RRP36: variants seen among roughly 807,000 people sequenced by gnomAD.
The protein encoded by RRP36 is ribosomal RNA processing 36.
In RRP36, 44 loss-of-function variants were observed where a neutral mutation model predicts 39.8. The ratio of observed to expected loss-of-function variants is 1.10; its 90% CI spans 0.87 to 1.42. RRP36 has a LOEUF of 1.42. Ranked by LOEUF, RRP36 falls within the 40% of genes most tolerant of loss-of-function variation. RRP36 has a pLI of 0.00. For missense variants in RRP36, 316 were observed against 322.4 expected (o/e 0.98, Z 0.15); for synonymous variants, 124 against 123.1 (o/e 1.01, Z -0.05).
chr6:43,026,770 C>G (rs375162932), intron 4 of RRP36, among the ~76,000 whole-genome samples: 3 of 151,582 alleles, frequency 2.0e-5, no homozygotes, highest in East Asian at 1.9e-4. Context: ...TTTGGGAGGC[C>G]GAGGCAGGTG....
At chr6:43,023,858 AT>A (rs566772892) in intron 1 of RRP36, among the ~76,000 whole-genome samples, 187 of 141,388 alleles carry the variant, frequency 1.3e-3, no homozygotes, top group Non-Finnish European at 1.2e-3. Flanking sequence ...GAGAGGTTGC[AT>A]TTTTTTTTTT....
chr6:43,024,269 G>C (rs570080980), intron 1 of RRP36, among the ~76,000 whole-genome samples: 2 of 152,204 alleles, frequency 1.3e-5, no homozygotes, highest in African/African-American at 4.8e-5. Context: ...TGGGGGAAGT[G>C]TACCAAGCAG....
At chr6:43,023,352 T>C (rs1360204444) in intron 1 of RRP36, among the ~76,000 whole-genome samples, 1 of 151,324 alleles carries the variant, frequency 6.6e-6, no homozygotes, top group Admixed American at 6.6e-5. Flanking sequence ...TGAGCAGTGA[T>C]TAGGCCACTG....
At position 43,021,642 on chromosome 6, in the gene RRP36, C is replaced by G. The variant is rs776659824; in HGVS notation, c.-13C>G. The stretch of plus-strand genomic sequence containing the variant: ...AGCGGCGCCATTCGTCTTCCGAGCG[C>G]TACTGCCAGCTGATGCCGGGAGCTA... On this transcript the variant is annotated 5_prime_UTR_variant, in exon 1 of 7. Coordinates refer to ENST00000244496, the MANE Select transcript of RRP36 (RefSeq NM_033112.4). 4.7e-6 allele frequency: 6 copies of G among 1,284,674 alleles called. No homozygotes were observed. The highest frequency in any genetic ancestry group is 3.1e-4 in the Middle Eastern group (1 of 3,250). 79.6% of individuals were successfully genotyped at this position (1,284,674 alleles called of 1,614,324 possible). A position where few individuals can be genotyped will look rare whatever the true frequency, so the allele number is the denominator to read the frequency against.
chr6:43,029,414 C>A lies in RRP36; in HGVS notation c.*186C>A. The A allele has an allele frequency of 1.8e-6, 1 of 563,108 alleles. No individual in the cohort carries two copies. The highest frequency in any genetic ancestry group is 3.0e-6 in the Non-Finnish European group (1 of 334,064). The allele number at this position is 563,108 out of a possible 1,614,324, so 34.9% of individuals were successfully genotyped here. On this transcript the variant is annotated 3_prime_UTR_variant, in exon 7 of 7. Coordinates refer to ENST00000244496, the MANE Select transcript of RRP36 (RefSeq NM_033112.4). ...TACACAAGAATAGTTCAGCCTTCTGCCATGCCACACAGCCTCAGCTTGAAT... is the reference window on the plus strand; with the variant it reads ...TACACAAGAATAGTTCAGCCTTCTGACATGCCACACAGCCTCAGCTTGAAT...
intron 6 of RRP36, 44 bp downstream of exon 6, chr6:43,027,521 G>A (rs745766591): frequency 3.3e-6 from 5 of 1,504,214 alleles, no homozygotes; most frequent in Non-Finnish European, 4.6e-6. Context: ...GGGGTGCAGG[G>A]GCCATGGTGG....
chr6:43,027,712 ACC>A (rs397973528), intron 6 of RRP36, among the ~76,000 whole-genome samples: 787 of 45,006 alleles, frequency 0.017, 22 homozygotes, highest in African/African-American at 0.07. Flanking sequence ...CCACTTCCCA[ACC>A]CCCCCCCCCC....
intron 1 of RRP36, among the ~76,000 whole-genome samples, chr6:43,022,712 A>G (rs968313265): frequency 3.4e-5 from 5 of 146,186 alleles, no homozygotes; most frequent in African/African-American, 5.2e-5. Context: ...AGCTCACTGC[A>G]AGCTCCGCCT....
In RRP36 at chr6:43,025,342, G is replaced by T. The variant is rs368610640; in HGVS notation, c.345+13G>T. ...CATTAGTAAAAAGGTAAGGAAGAAGGCCAGGCACTGTGGCTCACGCCTGTA... is the reference window on the plus strand; with the variant it reads ...CATTAGTAAAAAGGTAAGGAAGAAGTCCAGGCACTGTGGCTCACGCCTGTA... On this transcript the variant is annotated intron_variant, in intron 3 of 6. Transcript: ENST00000244496. The T allele has an allele frequency of 2.0e-4, 322 of 1,612,234 alleles. 3 individuals carry two copies. The South Asian group carries it at 2.3e-3, about 11-fold the overall frequency.
chr6:43,023,577 A>ACCACCC (rs200341055), intron 1 of RRP36, among the ~76,000 whole-genome samples: 8,938 of 151,762 alleles, frequency 0.059, 313 homozygotes, highest in African/African-American at 0.091. Flanking sequence ...CCTTAGTCCC[A>ACCACCC]GCTACTGAGG....
At chr6:43,024,474 C>T (rs918033965) in intron 1 of RRP36, among the ~76,000 whole-genome samples, 3 of 152,162 alleles carry the variant, frequency 2.0e-5, no homozygotes, top group African/African-American at 4.8e-5. Context: ...GTAGGAGTAA[C>T]ATGATCTGAA....
At chr6:43,028,465 T>C (rs569385843) in intron 6 of RRP36, among the ~76,000 whole-genome samples, 15 of 150,060 alleles carry the variant, frequency 1.0e-4, no homozygotes, top group African/African-American at 3.5e-4. Context: ...CTGGCAAACA[T>C]GGTGAAACCC....
chr6:43,029,314 G>T lies in RRP36; in HGVS notation c.*86G>T. ...TTGGCCACGGCTGGTTTCCGTTCAA[G>T]GGCAAGGATCACAGCTGCCCTTGAA... is the stretch of plus-strand genomic sequence containing the variant. On this transcript the variant is annotated 3_prime_UTR_variant, in exon 7 of 7. Coordinates refer to ENST00000244496, the MANE Select transcript of RRP36 (RefSeq NM_033112.4). 6.6e-7 allele frequency: 1 copy of T among 1,516,718 alleles called. No homozygotes were observed. The highest frequency in any genetic ancestry group is 1.2e-5 in the South Asian group (1 of 84,778). The allele number at this position is 1,516,718 out of a possible 1,614,324, so 94.0% of individuals were successfully genotyped here. A position where few individuals can be genotyped will look rare whatever the true frequency, so the allele number is the denominator to read the frequency against.
chr6:43,022,619 A>G (rs2395959), intron 1 of RRP36, among the ~76,000 whole-genome samples: 35,113 of 140,750 alleles, frequency 0.25, 7,148 homozygotes, highest in African/African-American at 0.57. Context: ...TTAATGTAGA[A>G]ACAAGGTCTC....
At chr6:43,021,896 C>G in intron 1 of RRP36, 112 bp downstream of exon 1, 2 of 805,886 alleles carry the variant, frequency 2.5e-6, no homozygotes, top group Non-Finnish European at 3.3e-6. Context: ...GAGGCAGACG[C>G]TACACTAGGG....
chr6:43,024,917 A>G, intron 1 of RRP36, 68 bp from the exon 2 acceptor site: 1 of 1,577,220 alleles, frequency 6.3e-7, no homozygotes. Context: ...AGGAATGGGG[A>G]TGGGAAGATG....
chr6:43,025,794 G>A (rs111861343), intron 3 of RRP36, among the ~76,000 whole-genome samples: 2,811 of 151,936 alleles, frequency 0.019, 40 homozygotes, highest in Middle Eastern at 0.048. Flanking sequence ...ATAGCCGGGC[G>A]TGGTGGCGGG....
chr6:43,026,211 G>C, intron 4 of RRP36, 70 bp downstream of exon 4: 1 of 1,085,804 alleles, frequency 9.2e-7, no homozygotes, highest in South Asian at 1.3e-5. Flanking sequence ...TTAGAGAGTT[G>C]GGCAGGGGGA....
chr6:43,028,947 C>T (rs1281652316), intron 6 of RRP36, 145 bp from the exon 7 acceptor site: 8 of 1,077,242 alleles, frequency 7.4e-6, no homozygotes, highest in Admixed American at 2.3e-5. Context: ...AGCAGGACTC[C>T]GTCTCAGAAA....
Sources: allele counts gnomAD v4.1 joint callset (sites outside exome capture counted in the v4.1 genomes callset), GRCh38; gene constraint gnomAD v4.1.1; transcripts MANE v1.5; gene names NCBI Gene and HGNC (gene_info 2026-07-23, HGNC 2026-07-21).